ZNF479: variants seen among roughly 807,000 people sequenced by gnomAD.
The protein encoded by ZNF479 is zinc finger protein 479.
ZNF479 carries 15 observed loss-of-function variants against 14.7 expected under a neutral mutation model. The ratio of observed to expected loss-of-function variants is 1.02; its 90% CI spans 0.68 to 1.57. The LOEUF is 1.57. Among genes scored for constraint, ZNF479 ranks in the 40% most tolerant of loss-of-function variants. ZNF479 has a pLI of 0.00. For synonymous variants in ZNF479, 145 were observed against 211.5 expected, an observed-to-expected ratio of 0.69 and a Z score of 2.73; for missense variants, 506 against 615.1, an observed-to-expected ratio of 0.82 and a Z score of 1.88.
intron 3 of ZNF479, among the ~76,000 whole-genome samples, chr7:57,123,002 T>G (rs1300458729): frequency 6.6e-6 from 1 of 152,078 alleles, no homozygotes; most frequent in African/African-American, 2.4e-5. Flanking sequence ...TTAAAAAAAC[T>G]GAAAACCTGA....
intron 1 of ZNF479, among the ~76,000 whole-genome samples, chr7:57,129,764 A>G (rs1239050308): frequency 6.6e-6 from 1 of 152,348 alleles, no homozygotes; most frequent in African/African-American, 2.4e-5. Flanking sequence ...TTAAGAGCAC[A>G]GCATTTTTAT....
At chr7:57,131,549 C>T (rs1275103374) in intron 1 of ZNF479, among the ~76,000 whole-genome samples, 9 of 142,268 alleles carry the variant, frequency 6.3e-5, no homozygotes, top group Non-Finnish European at 7.7e-5. Context: ...GAGGACAGAG[C>T]GAGACTCCCT....
In ZNF479 at chr7:57,118,292, G is replaced by A. The variant is rs1562843491; in HGVS notation, c.*1548C>T. Reference sequence around the variant, plus strand: ...GTAAAGGTACAGCAATCCTCTTTAAGTTTGTATGTTTGTCTTCAGAATAAC... The same window carrying A: ...GTAAAGGTACAGCAATCCTCTTTAAATTTGTATGTTTGTCTTCAGAATAAC... On this transcript the variant is annotated 3_prime_UTR_variant, in exon 4 of 4. Coordinates refer to ENST00000319636, the MANE Select transcript of ZNF479 (RefSeq NM_001370129.2). 6.6e-6 allele frequency among the ~76,000 whole-genome samples: 1 copy of A among 152,310 alleles called. No individual in the cohort carries two copies. The highest frequency in any genetic ancestry group is 2.4e-5 in the African/African-American group (1 of 41,568).
chr7:57,134,197 T>C (rs543741268), upstream of ZNF479, among the ~76,000 whole-genome samples: 15 of 152,216 alleles, frequency 9.9e-5, no homozygotes, highest in Non-Finnish European at 2.1e-4. Context: ...AGTCACAGGA[T>C]AAATAGAAGA....
At chr7:57,131,797 C>T (rs928982059) in intron 1 of ZNF479, among the ~76,000 whole-genome samples, 4 of 152,140 alleles carry the variant, frequency 2.6e-5, no homozygotes, top group Non-Finnish European at 4.4e-5. Flanking sequence ...AAGTCTCTCC[C>T]ATGGATCACA....
At position 57,118,012 on chromosome 7, in the gene ZNF479, G is replaced by T. The variant is rs1228374960; in HGVS notation, c.*1828C>A. Among the ~76,000 whole-genome samples, 1 of 152,198 alleles carries T rather than the reference G, an allele frequency of 6.6e-6. No homozygotes were observed. Among genetic ancestry groups the T allele is most frequent in the Non-Finnish European group, 1.5e-5 (1 of 68,038 alleles). On this transcript the variant is annotated 3_prime_UTR_variant, in exon 4 of 4. Coordinates refer to ENST00000319636, the MANE Select transcript of ZNF479 (RefSeq NM_001370129.2). ...TCAGTGCCTTCATTCTTTCTACTGT[G>T]ACCCCTCAGATGCTTATATAGACTT...
In ZNF479 at chr7:57,120,563, A is replaced by C. The variant is rs782049846; in HGVS notation, c.852T>G (p.Leu284=). 4 of 1,613,504 alleles carry C rather than the reference A, an allele frequency of 2.5e-6. No homozygotes were observed. In the South Asian group the frequency reaches 4.4e-5, roughly 18 times the overall value. The stretch of plus-strand genomic sequence containing the variant: ...CAGTATGAATTCTCTTGTGGTTAGT[A>C]AGTGCTGAGGAGCGCCTAAAGGCTT... The part of the protein sequence containing the change: ...CGQAFRRSSA[L]TNHKRIHTGE... The change falls in exon 4 of 4, where the codon CTT becomes CTG. Residue 284 remains leucine (L), a synonymous_variant. Transcript: ENST00000319636.
intron 1 of ZNF479, chr7:57,139,526 G>A (rs1276614044): frequency 6.6e-6 from 1 of 152,224 alleles, no homozygotes; most frequent in African/African-American, 2.4e-5. Context: ...AGGTGTAATT[G>A]TGACATATAC....
At position 57,119,161 on chromosome 7, in the gene ZNF479, T is replaced by C. The variant is rs538497885; in HGVS notation, c.*679A>G. Among the ~76,000 whole-genome samples the C allele has an allele frequency of 2.7e-4, 41 of 152,330 alleles. No individual in the cohort carries two copies. Among genetic ancestry groups the C allele is most frequent in the African/African-American group, 9.9e-4 (41 of 41,582 alleles). On this transcript the variant is annotated 3_prime_UTR_variant, in exon 4 of 4. Coordinates refer to ENST00000319636, the MANE Select transcript of ZNF479 (RefSeq NM_001370129.2). ...TTTAAAGACATTACCATATTCCTTA[T>C]TGTAGGGTTTCTCTTCAGTATTAAT...
chr7:57,124,342 A>C (rs1375524322), intron 3 of ZNF479, among the ~76,000 whole-genome samples: 1 of 152,238 alleles, frequency 6.6e-6, no homozygotes, highest in Non-Finnish European at 1.5e-5. Context: ...AATCTGCCTC[A>C]AGTTTGCCAT....
rs778764472 is a variant in ZNF479, at chr7:57,126,574, T to A, written c.166+18A>T. ...GAAAAGCAATATATTAGGAATTATG[T>A]ACTGAAGTTATCCTCACCCAGGGAG... On this transcript the variant is annotated intron_variant, in intron 2 of 3. Transcript: ENST00000319636. 1 of 1,605,990 alleles carries A rather than the reference T, an allele frequency of 6.2e-7. No homozygotes were observed. The highest frequency in any genetic ancestry group is 8.5e-7 in the Non-Finnish European group (1 of 1,178,034).
Position 57,120,320 on chromosome 7 carries a change from G to T in ZNF479, c.1095C>A (p.Ser365=). The T allele has an allele frequency of 2.5e-6, 4 of 1,609,716 alleles. No individual in the cohort carries two copies. Among genetic ancestry groups the T allele is most frequent in the Non-Finnish European group, 2.5e-6 (3 of 1,177,072 alleles). The part of the protein sequence containing the change: ...CEECGQAFSL[S]SNLMRHRRIH... ...TTCTCCTATGTCTCATAAGGTTCGA[G>T]GATAAGCTAAAGGCTTGGCCACATT... is the stretch of plus-strand genomic sequence containing the variant. The change falls in exon 4 of 4, where the codon TCC becomes TCA. Residue 365 remains serine, a synonymous_variant. Coordinates refer to ENST00000319636, the MANE Select transcript of ZNF479 (RefSeq NM_001370129.2).
Position 57,118,925 on chromosome 7 carries a change from C to T in ZNF479, c.*915G>A, listed in dbSNP as rs754690290. Among the ~76,000 whole-genome samples, 7 of 152,138 alleles carry T rather than the reference C, an allele frequency of 4.6e-5. No homozygotes were observed. The highest frequency in any genetic ancestry group is 7.3e-5 in the Non-Finnish European group (5 of 68,034). ...CACATTTAACACATTTCTAGAGTTT[C>T]TCACCAGTATGATTTCTCTTTTTTA... is the stretch of plus-strand genomic sequence containing the variant. On this transcript the variant is annotated 3_prime_UTR_variant, in exon 4 of 4. Coordinates refer to ENST00000319636, the MANE Select transcript of ZNF479 (RefSeq NM_001370129.2).
At chr7:57,138,086 A>G (rs1331118693) in intron 1 of ZNF479, among the ~76,000 whole-genome samples, 1 of 152,154 alleles carries the variant, frequency 6.6e-6, no homozygotes, top group Non-Finnish European at 1.5e-5. Flanking sequence ...TAGTAAAAAT[A>G]TTGACATATT....
intron 1 of ZNF479, among the ~76,000 whole-genome samples, chr7:57,131,587 C>CAA (rs57405080): frequency 4.6e-5 from 4 of 86,798 alleles, no homozygotes; most frequent in African/African-American, 1.0e-4. Context: ...AACAAACAAA[C>CAA]AAAAAAAAAA....
chr7:57,120,211 T>C lies in ZNF479; in HGVS notation c.1204A>G (p.Ile402Val). 6.2e-7 allele frequency: 1 copy of C among 1,611,872 alleles called. No individual in the cohort carries two copies. Among genetic ancestry groups the C allele is most frequent in the Non-Finnish European group, 8.5e-7 (1 of 1,178,986 alleles). Residue 402 changes from isoleucine (I) to valine (V), a missense_variant, in exon 4 of 4, where the codon ATT becomes GTT. Physicochemically the swap from Ile to Val is conservative, Grantham distance 29. This residue lies in a region of ZNF479 where 420 missense variants were observed against 474.2 expected (regional missense o/e 0.89). Coordinates refer to ENST00000319636, the MANE Select transcript of ZNF479 (RefSeq NM_001370129.2). ...TTGTAGGGTCTCTCTCCAGTATGAA[T>C]TCTCTTGTGGATAGTAAGTGCTGAG... ...RSSALTIHKRIHTGERPYKCE... is the reference protein window; with the variant it reads ...RSSALTIHKRVHTGERPYKCE...
intron 1 of ZNF479, among the ~76,000 whole-genome samples, chr7:57,130,182 T>C (rs897954569): frequency 6.6e-6 from 1 of 151,982 alleles, no homozygotes; most frequent in Admixed American, 6.6e-5. Context: ...CTATAAAAAG[T>C]TCAATGGGCC....
rs1362692923 is a variant in ZNF479 at position 57,118,402 on chromosome 7, T to C, written c.*1438A>G. On this transcript the variant is annotated 3_prime_UTR_variant, in exon 4 of 4. Transcript: ENST00000319636. Reference sequence around the variant, plus strand: ...TAATTTTTTTTTTGAGACAGAGTCTTGCTCTGTCACCCAGGCTGTAGTGTA... The same window carrying C: ...TAATTTTTTTTTTGAGACAGAGTCTCGCTCTGTCACCCAGGCTGTAGTGTA... Among the ~76,000 whole-genome samples, 5 of 152,186 alleles carry C rather than the reference T, an allele frequency of 3.3e-5. No homozygotes were observed. The highest frequency in any genetic ancestry group is 4.8e-5 in the African/African-American group (2 of 41,450).
chr7:57,134,665 CTTT>C (rs71053216), upstream of ZNF479, among the ~76,000 whole-genome samples: 24 of 106,470 alleles, frequency 2.3e-4, no homozygotes, highest in Admixed American at 7.2e-4. Context: ...TTTCTTCTAT[CTTT>C]TTTTTTTTTT....
Sources: gnomAD v4.1 joint callset for allele counts (sites outside exome capture counted in the v4.1 genomes callset) on GRCh38, gnomAD v4.1.1 for gene constraint, gnomAD v4.1.1 regional missense constraint, MANE v1.5 for transcripts, NCBI Gene and HGNC (gene_info 2026-07-23, HGNC 2026-07-21) for gene names.